The following ACACA variants were observed in gnomAD, a reference collection of about 807,000 sequenced individuals.
The protein encoded by ACACA is acetyl-CoA carboxylase 1.
A neutral mutation model predicts 296.1 loss-of-function variants in ACACA; 103 were observed. The observed-to-expected ratio is 0.35, with a 90% CI of 0.30 to 0.41. ACACA has a LOEUF of 0.41. ACACA is among the 10% of genes least tolerant of loss of function. ACACA has a pLI of 1.00. For missense variants in ACACA, 1,554 were observed against 2,989.7 expected (o/e 0.52, Z 11.20); for synonymous variants, 953 against 1,038.6 (o/e 0.92, Z 1.58).
chr17:37,161,649 TAATTTTGTTTATATTTAATTTTTAC>T, intron 42 of ACACA, 107 bp downstream of exon 42: 1 of 1,094,674 alleles, frequency 9.1e-7, no homozygotes, highest in Non-Finnish European at 1.3e-6. Flanking sequence ...TTTTCACAAA[TAATTTTGTTTATATTTAATTTTTAC>T]CATAAGTGGT....
chr17:37,105,554 C>G (rs551302419), intron 52 of ACACA, among the ~76,000 whole-genome samples: 12 of 152,172 alleles, frequency 7.9e-5, no homozygotes, highest in Non-Finnish European at 1.5e-4. Flanking sequence ...TTGATGGGCC[C>G]TTCTTCCTTT....
intron 42 of ACACA, among the ~76,000 whole-genome samples, chr17:37,155,994 G>A (rs1219752244): frequency 6.7e-6 from 1 of 149,176 alleles, no homozygotes; most frequent in Non-Finnish European, 1.5e-5. Context: ...CTTGAAACAA[G>A]ACACCTTATA....
chr17:37,263,268 T>C (rs2081597949), intron 11 of ACACA, among the ~76,000 whole-genome samples: 1 of 152,178 alleles, frequency 6.6e-6, no homozygotes. Flanking sequence ...AGATAGAATG[T>C]GTGAACTCTG....
At position 37,248,034 on chromosome 17, in the gene ACACA, C is replaced by T. The variant is rs147430622; in HGVS notation, c.2286G>A (p.Thr762=). 20 of 1,614,080 alleles carry T rather than the reference C, an allele frequency of 1.2e-5. 1 individual carries two copies. The African/African-American group carries it at 2.0e-4, about 16-fold the overall frequency. Residue 762 remains threonine, a synonymous_variant, in exon 18 of 56, where the codon ACG becomes ACA. Coordinates refer to ENST00000616317, the MANE Select transcript of ACACA (RefSeq NM_198834.3). ...ACCTATCCACTTCCTCTTTCATATA[C>T]GTAGTATAACTGCTGCCATCATAGG... ...LLSYDGSSYT[T]YMKEEVDRYR...
intron 3 of ACACA, among the ~76,000 whole-genome samples, chr17:37,302,237 T>C (rs1031934199): frequency 1.3e-5 from 2 of 148,462 alleles, no homozygotes; most frequent in South Asian, 2.2e-4. Context: ...GGTTTCGCTC[T>C]TGTGACCCAG....
chr17:37,213,006 C>A (rs1292240370), intron 29 of ACACA, among the ~76,000 whole-genome samples: 1 of 151,714 alleles, frequency 6.6e-6, no homozygotes, highest in Non-Finnish European at 1.5e-5. Flanking sequence ...CATTCCACTG[C>A]ATACTCATCA....
Position 37,258,160 on chromosome 17 carries a change from T to G in ACACA, c.1662+52A>C, listed in dbSNP as rs2146202962. On this transcript the variant is annotated intron_variant, in intron 13 of 55. Transcript: ENST00000616317. ...AGAAGTATACTTTCAGATACTATCT[T>G]AACATTAAAGTTCATTAAAAGGAGG... 1.9e-6 allele frequency: 3 copies of G among 1,586,230 alleles called. No homozygotes were observed. In the East Asian group the frequency reaches 6.7e-5, roughly 35 times the overall value.
At chr17:37,205,923 A>G in intron 32 of ACACA, 51 bp from the exon 33 acceptor site, 1 of 1,361,512 alleles carries the variant, frequency 7.3e-7, no homozygotes, top group Non-Finnish European at 1.0e-6. Flanking sequence ...GCCAATACAG[A>G]TGCAGATAGA....
At chr17:37,246,441 A>C (rs1303801180) in intron 19 of ACACA, among the ~76,000 whole-genome samples, 2 of 151,734 alleles carry the variant, frequency 1.3e-5, no homozygotes, top group Non-Finnish European at 2.9e-5. Context: ...TTTTAGAAAT[A>C]GGGTCTTGAT....
intron 42 of ACACA, among the ~76,000 whole-genome samples, chr17:37,159,236 GT>G (rs936097318): frequency 2.0e-5 from 3 of 150,726 alleles, no homozygotes; most frequent in Admixed American, 6.6e-5. Context: ...GGTTTTTAAA[GT>G]TTTTTTTTAG....
intron 41 of ACACA, among the ~76,000 whole-genome samples, chr17:37,176,849 C>T (rs2077134769): frequency 6.6e-6 from 1 of 152,128 alleles, no homozygotes; most frequent in African/African-American, 2.4e-5. Context: ...CTAGCTAAGG[C>T]CAATGACTGA....
At chr17:37,355,249 A>G (rs1421840169) in intron 1 of ACACA, among the ~76,000 whole-genome samples, 2 of 149,294 alleles carry the variant, frequency 1.3e-5, no homozygotes, top group Admixed American at 1.3e-4. Flanking sequence ...TCTCCAAAAA[A>G]ATAAATAAAT....
At chr17:37,234,493 T>C (rs1387914507) in intron 25 of ACACA, among the ~76,000 whole-genome samples, 2 of 152,148 alleles carry the variant, frequency 1.3e-5, no homozygotes, top group Admixed American at 1.3e-4. Flanking sequence ...ATTTTCAATA[T>C]AAATAAAAAG....
chr17:37,315,286 G>A (rs922159850), intron 3 of ACACA, among the ~76,000 whole-genome samples: 11 of 152,132 alleles, frequency 7.2e-5, no homozygotes, highest in African/African-American at 2.4e-4. Flanking sequence ...AAAGTCTGTT[G>A]CACAGTTAAG....
chr17:37,383,866 A>T (rs1279846763), intron 1 of ACACA, among the ~76,000 whole-genome samples: 1 of 152,168 alleles, frequency 6.6e-6, no homozygotes, highest in African/African-American at 2.4e-5. Context: ...CAACCAATTT[A>T]TGTATGAACT....
chr17:37,284,991 T>C (rs1336753920), intron 3 of ACACA, 21 bp from the exon 4 acceptor site: 2 of 1,614,048 alleles, frequency 1.2e-6, no homozygotes, highest in East Asian at 2.2e-5. Flanking sequence ...ACAGAAGCCA[T>C]AAAAACACCA....
At position 37,205,869 on chromosome 17, in the gene ACACA, G is replaced by C. The variant is rs768387542; in HGVS notation, c.3952C>G (p.Pro1318Ala). 4.3e-6 allele frequency: 7 copies of C among 1,611,246 alleles called. No individual in the cohort carries two copies. The Admixed American group carries it at 1.0e-4, about 23-fold the overall frequency. The change falls in exon 33 of 56, where the codon CCC becomes GCC. Residue 1318 changes from proline (P) to alanine (A), a missense_variant. By Grantham distance (27) the Pro-to-Ala change is conservative. Transcript: ENST00000616317. The part of the protein sequence containing the change: ...HTSLYDEDKV[P>A]RDEPIHILNV... ...AGAATGTGAATTGGTTCATCCCTGG[G>C]AACCTGTAACTCAAGAACACAAGTC...
intron 44 of ACACA, among the ~76,000 whole-genome samples, chr17:37,150,808 C>T (rs1217145166): frequency 1.3e-5 from 2 of 151,884 alleles, no homozygotes; most frequent in Non-Finnish European, 2.9e-5. Flanking sequence ...AATCCCAGCA[C>T]TTTTGGAGGC....
At position 37,264,939 on chromosome 17, in the gene ACACA, G is replaced by A. The variant is rs187914770; in HGVS notation, c.1120-1045C>T. Among the ~76,000 whole-genome samples the A allele has an allele frequency of 3.9e-5, 6 of 152,222 alleles. No homozygotes were observed. In the East Asian group the frequency reaches 1.2e-3, roughly 29 times the overall value. Reference sequence around the variant, plus strand: ...TATCATCATCTGGTAGCTTGAGTGGGGTAGAATGGTCTCACTCAGATGTCT... The same window carrying A: ...TATCATCATCTGGTAGCTTGAGTGGAGTAGAATGGTCTCACTCAGATGTCT... On this transcript the variant is annotated intron_variant, in intron 10 of 55. Coordinates refer to ENST00000616317, the MANE Select transcript of ACACA (RefSeq NM_198834.3).
Sources: allele counts gnomAD v4.1 joint callset (sites outside exome capture counted in the v4.1 genomes callset), GRCh38; gene constraint gnomAD v4.1.1; transcripts MANE v1.5; gene names NCBI Gene and HGNC (gene_info 2026-07-23, HGNC 2026-07-21).